Variants in TFG observed in about 807,000 individuals in gnomAD.
TFG encodes the protein trafficking from ER to golgi regulator.
In TFG, 22 loss-of-function variants were observed where a neutral mutation model predicts 51.4. The ratio of observed to expected loss-of-function variants is 0.43; its 90% confidence interval spans 0.31 to 0.61. TFG has a LOEUF of 0.61. Among genes scored for constraint, TFG ranks in the 20% least tolerant of loss-of-function variants. TFG has a pLI of 0.12. For missense variants in TFG, 419 were observed against 487.7 expected (o/e 0.86, Z 1.33); for synonymous variants, 187 against 165.6 (o/e 1.13, Z -0.99).
intron 5 of TFG, among the ~76,000 whole-genome samples, chr3:100,735,022 T>G (rs112587963): frequency 0.01 from 1,549 of 152,286 alleles, 24 homozygotes; most frequent in African/African-American, 0.036. Context: ...GAATATTAAC[T>G]GTAATAAATT....
chr3:100,726,843 C>T (rs2095077307), intron 3 of TFG, among the ~76,000 whole-genome samples: 1 of 152,080 alleles, frequency 6.6e-6, no homozygotes, highest in Admixed American at 6.5e-5. Context: ...CTTTGCTCTG[C>T]ATTGGATGCT....
rs532206104 is a variant in TFG at position 100,720,618 on chromosome 3, C to T, written c.268+560C>T. Among the ~76,000 whole-genome samples, 5 of 152,326 alleles carry T rather than the reference C, an allele frequency of 3.3e-5. No homozygotes were observed. The East Asian group carries it at 9.7e-4, about 29-fold the overall frequency. ...TGCTGAACTGACAGGAGGCGGAGCC[C>T]ACCACTTAACCTCCTGCTGTGCTGC... On this transcript the variant is annotated intron_variant, in intron 3 of 7. Coordinates refer to ENST00000240851, the MANE Select transcript of TFG (RefSeq NM_006070.6).
intron 1 of TFG, among the ~76,000 whole-genome samples, chr3:100,711,541 A>G (rs958386561): frequency 1.3e-5 from 2 of 152,222 alleles, no homozygotes; most frequent in Non-Finnish European, 2.9e-5. Flanking sequence ...TACATAAAGA[A>G]GGTACAGTGT....
intron 1 of TFG, among the ~76,000 whole-genome samples, chr3:100,713,215 C>G (rs1301347856): frequency 6.6e-6 from 1 of 152,016 alleles, no homozygotes; most frequent in East Asian, 1.9e-4. Context: ...TGGTTGGACC[C>G]CAGAGTTATT....
chr3:100,715,135 T>G (rs1455741389), intron 2 of TFG, among the ~76,000 whole-genome samples: 1 of 152,186 alleles, frequency 6.6e-6, no homozygotes, highest in African/African-American at 2.4e-5. Flanking sequence ...TCACTAACAG[T>G]TTTTTCTCTG....
At chr3:100,722,595 A>G (rs1352997999) in intron 3 of TFG, among the ~76,000 whole-genome samples, 2 of 152,228 alleles carry the variant, frequency 1.3e-5, no homozygotes, top group Non-Finnish European at 2.9e-5. Flanking sequence ...GAAACTGGAA[A>G]ATGTCTTAAG....
At chr3:100,724,559 C>T (rs2095069634) in intron 3 of TFG, among the ~76,000 whole-genome samples, 1 of 152,066 alleles carries the variant, frequency 6.6e-6, no homozygotes, top group African/African-American at 2.4e-5. Flanking sequence ...CTAAATTATA[C>T]AAACTATTCA....
chr3:100,726,947 G>A (rs1340554744), intron 3 of TFG, among the ~76,000 whole-genome samples: 1 of 152,174 alleles, frequency 6.6e-6, no homozygotes, highest in Non-Finnish European at 1.5e-5. Flanking sequence ...TATCTGGAAG[G>A]TGAGAGGAAT....
intron 4 of TFG, among the ~76,000 whole-genome samples, chr3:100,730,279 T>C (rs567739098): frequency 2.0e-5 from 3 of 152,354 alleles, no homozygotes; most frequent in South Asian, 4.1e-4. Flanking sequence ...TTTTTTGCTT[T>C]AGGTGAAACT....
intron 6 of TFG, among the ~76,000 whole-genome samples, chr3:100,737,462 C>T (rs1367332989): frequency 1.3e-5 from 2 of 152,214 alleles, no homozygotes; most frequent in Non-Finnish European, 2.9e-5. Context: ...CCTTGGAGTT[C>T]TGCAGAATGT....
At chr3:100,719,866 A>C in intron 2 of TFG, 109 bp from the exon 3 acceptor site, 1 of 626,872 alleles carries the variant, frequency 1.6e-6, no homozygotes, top group East Asian at 3.1e-5. Flanking sequence ...GAGTCCAACT[A>C]TGTTCTACAA....
intron 6 of TFG, among the ~76,000 whole-genome samples, chr3:100,737,239 C>A (rs1462328024): frequency 6.6e-6 from 1 of 152,102 alleles, no homozygotes; most frequent in African/African-American, 2.4e-5. Flanking sequence ...CAGACTTTTT[C>A]TTCTGAAATA....
rs371285224 is a variant in TFG, at chr3:100,713,674, C to A, written c.-12C>A. On this transcript the variant is annotated 5_prime_UTR_variant, in exon 2 of 8. It adds an upstream start codon to the 5' untranslated region. Coordinates refer to ENST00000240851, the MANE Select transcript of TFG (RefSeq NM_006070.6). ...TCTAGAGTTGTATATATAGAACATC[C>A]TGGAGTCCACCATGAACGGACAGTT... 1.8e-5 allele frequency: 29 copies of A among 1,578,554 alleles called. No individual in the cohort carries two copies. Among genetic ancestry groups the A allele is most frequent in the Non-Finnish European group, 2.2e-5 (25 of 1,158,438 alleles).
intron 2 of TFG, among the ~76,000 whole-genome samples, chr3:100,714,094 G>T (rs2095038769): frequency 6.6e-6 from 1 of 151,112 alleles, no homozygotes; most frequent in Non-Finnish European, 1.5e-5. Context: ...GTGTTATTTT[G>T]CCCATTTTTA....
rs1206768260 is a variant in TFG, at chr3:100,736,758, G to T, written c.721+42G>T. On this transcript the variant is annotated intron_variant, in intron 6 of 7. Coordinates refer to ENST00000240851, the MANE Select transcript of TFG (RefSeq NM_006070.6). ...AACACATGTTTGGGAAAGTACATGT[G>T]TAGAAGTGTTTATTACAGCATTGTT... is the stretch of plus-strand genomic sequence containing the variant. 3.1e-6 allele frequency: 5 copies of T among 1,589,354 alleles called. No individual in the cohort carries two copies. The East Asian group carries it at 6.9e-5, about 22-fold the overall frequency.
chr3:100,740,460 A>G (rs1318905195), intron 6 of TFG, among the ~76,000 whole-genome samples: 1 of 152,124 alleles, frequency 6.6e-6, no homozygotes, highest in Non-Finnish European at 1.5e-5. Context: ...GAGGTAGAAG[A>G]TAACCTTTTA....
rs2095090824 is a variant in TFG, at chr3:100,731,235, G to A, written c.416-1273G>A. Among the ~76,000 whole-genome samples the A allele has an allele frequency of 2.6e-5, 4 of 152,294 alleles. No homozygotes were observed. In the South Asian group the frequency reaches 8.3e-4, roughly 32 times the overall value. ...TTAATTGAGTAAATGGTTAGCAACA[G>A]TCTTTTTGTTTACTTGTTCGTGTTT... On this transcript the variant is annotated intron_variant, in intron 4 of 7. Transcript: ENST00000240851.
chr3:100,746,650 A>G (rs1453793521), intron 7 of TFG, among the ~76,000 whole-genome samples: 2 of 152,114 alleles, frequency 1.3e-5, no homozygotes, highest in Non-Finnish European at 2.9e-5. Context: ...GCATTGCCAC[A>G]TTATGTTCAA....
At position 100,732,688 on chromosome 3, in the gene TFG, A is replaced by G. The variant is rs1443387261; in HGVS notation, c.580+16A>G. The G allele has an allele frequency of 3.2e-6, 5 of 1,576,696 alleles. No homozygotes were observed. The highest frequency in any genetic ancestry group is 2.3e-5 in the East Asian group (1 of 44,082). On this transcript the variant is annotated intron_variant, in intron 5 of 7. Coordinates refer to ENST00000240851, the MANE Select transcript of TFG (RefSeq NM_006070.6). ...CAGGTTTCAGGTAAGTTGGTTTCCA[A>G]CTCCTTTACACCCTTCGTTTCCTTC...
Sources: allele counts gnomAD v4.1 joint callset (sites outside exome capture counted in the v4.1 genomes callset), GRCh38; gene constraint gnomAD v4.1.1; transcripts MANE v1.5; gene names NCBI Gene and HGNC (gene_info 2026-07-23, HGNC 2026-07-21).